The following PRELID2 variants were observed in gnomAD, a reference collection of about 807,000 sequenced individuals.
The protein encoded by PRELID2 is PRELI domain-containing protein 2.
Under a neutral mutation model 28.4 loss-of-function variants are expected in PRELID2, and 25 were observed. The ratio of observed to expected loss-of-function variants is 0.88; its 90% CI spans 0.64 to 1.23. The LOEUF is 1.23. PRELID2 is among the 50% of genes most tolerant of loss of function. PRELID2 has a pLI of 0.00. For missense variants in PRELID2, 201 were observed against 214.4 expected, an observed-to-expected ratio of 0.94 and a Z score of 0.39; for synonymous variants, 76 against 71.6, an observed-to-expected ratio of 1.06 and a Z score of -0.31.
the PRELID2 span, among the ~76,000 whole-genome samples, chr5:145,315,838 A>G: frequency 1.3e-5 from 2 of 150,856 alleles, no homozygotes; most frequent in Admixed American, 1.3e-4. Context: ...TTGTGGTGAT[A>G]ATTTTACAAT....
At chr5:145,702,580 A>G (rs1209318376) in intron 1 of PRELID2, among the ~76,000 whole-genome samples, 2 of 152,216 alleles carry the variant, frequency 1.3e-5, no homozygotes, top group African/African-American at 2.4e-5. Context: ...TCACACAAGA[A>G]GGCAAGAGGT....
At chr5:145,261,305 G>T in the PRELID2 span, among the ~76,000 whole-genome samples, 1 of 152,188 alleles carries the variant, frequency 6.6e-6, no homozygotes. Flanking sequence ...GGGCAAGCTT[G>T]TATCCTCCCT....
At chr5:145,444,445 G>T in the PRELID2 span, among the ~76,000 whole-genome samples, 9 of 151,980 alleles carry the variant, frequency 5.9e-5, no homozygotes, top group Non-Finnish European at 7.4e-5. Flanking sequence ...ACAGTTATAA[G>T]TGGGCTCTTT....
At chr5:145,534,998 A>G (rs1408589827) in intron 1 of PRELID2, among the ~76,000 whole-genome samples, 3 of 151,962 alleles carry the variant, frequency 2.0e-5, no homozygotes, top group African/African-American at 4.8e-5. Context: ...AGCCCTTGAC[A>G]TTAGATTTCT....
At chr5:145,550,392 T>C (rs1437903135) in intron 1 of PRELID2, among the ~76,000 whole-genome samples, 1 of 152,142 alleles carries the variant, frequency 6.6e-6, no homozygotes, top group Non-Finnish European at 1.5e-5. Flanking sequence ...AGAATTTATT[T>C]CACAAGTTAT....
chr5:145,319,766 C>A, the PRELID2 span, among the ~76,000 whole-genome samples: 1 of 152,048 alleles, frequency 6.6e-6, no homozygotes, highest in South Asian at 2.1e-4. Context: ...ATTAAAGGTG[C>A]TTATTCATAA....
intron 1 of PRELID2, among the ~76,000 whole-genome samples, chr5:145,638,025 G>A (rs2149662239): frequency 6.6e-6 from 1 of 152,210 alleles, no homozygotes; most frequent in African/African-American, 2.4e-5. Context: ...TGGCCAGGCT[G>A]GGCTCAAACT....
the PRELID2 span, chr5:145,337,872 G>C: frequency 2.1e-4 from 32 of 150,878 alleles, no homozygotes; most frequent in Admixed American, 1.8e-3. Flanking sequence ...TGTTCTTCTT[G>C]TTCACCAACC....
chr5:145,653,557 C>T (rs1387044100), intron 1 of PRELID2, among the ~76,000 whole-genome samples: 1 of 152,216 alleles, frequency 6.6e-6, no homozygotes. Context: ...TTCTCTCAGA[C>T]CACAGTGCAA....
chr5:145,316,659 T>C, the PRELID2 span, among the ~76,000 whole-genome samples: 1 of 152,206 alleles, frequency 6.6e-6, no homozygotes, highest in Non-Finnish European at 1.5e-5. Flanking sequence ...TTTACTGAAC[T>C]TAGGCCTAGA....
chr5:145,470,181 T>C (rs1453623877), downstream of PRELID2, among the ~76,000 whole-genome samples: 1 of 152,108 alleles, frequency 6.6e-6, no homozygotes, highest in East Asian at 1.9e-4. Context: ...ATAGTAAATA[T>C]TTTAGGATCT....
At chr5:145,425,214 C>A in the PRELID2 span, among the ~76,000 whole-genome samples, 6 of 152,178 alleles carry the variant, frequency 3.9e-5, no homozygotes, top group South Asian at 1.2e-3. Context: ...GAGATACCAT[C>A]TCATGCCAGT....
At chr5:145,734,932 C>G (rs1016599093) in intron 1 of PRELID2, among the ~76,000 whole-genome samples, 3 of 152,100 alleles carry the variant, frequency 2.0e-5, no homozygotes, top group East Asian at 1.9e-4. Context: ...CAGAAGCTAA[C>G]GGAAATGTTT....
At chr5:145,356,543 T>TA in the PRELID2 span, among the ~76,000 whole-genome samples, 5 of 152,092 alleles carry the variant, frequency 3.3e-5, no homozygotes, top group Admixed American at 6.6e-5. Context: ...TTTTTTTTTT[T>TA]ATCACTGTTG....
At chr5:145,706,475 A>G (rs897790586) in intron 1 of PRELID2, among the ~76,000 whole-genome samples, 1 of 152,160 alleles carries the variant, frequency 6.6e-6, no homozygotes, top group Non-Finnish European at 1.5e-5. Context: ...GGGAGCGCCC[A>G]CTCAAACTCT....
chr5:145,715,349 A>T, intron 1 of PRELID2, among the ~76,000 whole-genome samples: 1 of 151,778 alleles, frequency 6.6e-6, no homozygotes. Context: ...CCCAACAGCC[A>T]TTTCTCCTCT....
the PRELID2 span, among the ~76,000 whole-genome samples, chr5:145,304,058 A>G: frequency 6.6e-6 from 1 of 152,186 alleles, no homozygotes; most frequent in East Asian, 1.9e-4. Context: ...CAAAAACAAT[A>G]AAGTTCATTA....
At chr5:145,475,601 A>G (rs1376540493) in intron 1 of PRELID2, among the ~76,000 whole-genome samples, 1 of 152,198 alleles carries the variant, frequency 6.6e-6, no homozygotes, top group Non-Finnish European at 1.5e-5. Context: ...GCACAGGCTA[A>G]TGTAAAAAAA....
At chr5:145,718,978 G>A (rs952947880) in intron 1 of PRELID2, among the ~76,000 whole-genome samples, 2 of 152,046 alleles carry the variant, frequency 1.3e-5, no homozygotes, top group Non-Finnish European at 2.9e-5. Flanking sequence ...AAAAGAAGGT[G>A]ACTGATTTGA....
Sources: allele counts gnomAD v4.1 joint callset (sites outside exome capture counted in the v4.1 genomes callset), GRCh38; gene constraint gnomAD v4.1.1; transcripts MANE v1.5; gene names NCBI Gene and HGNC (gene_info 2026-07-23, HGNC 2026-07-21).